Variants in SEMA4F observed in about 807,000 individuals in gnomAD.
SEMA4F encodes the protein ssemaphorin 4F.
A neutral mutation model predicts 78.4 loss-of-function variants in SEMA4F; 51 were observed. The ratio of observed to expected loss-of-function variants is 0.65; its 90% CI spans 0.52 to 0.82. The LOEUF is 0.82. Among genes scored for constraint, SEMA4F ranks in the 40% least tolerant of loss-of-function variants. The pLI is 0.00. For missense variants in SEMA4F, 938 were observed against 1,014.4 expected, an observed-to-expected ratio of 0.92 and a Z score of 1.02; for synonymous variants, 418 against 408.7, an observed-to-expected ratio of 1.02 and a Z score of -0.27.
rs772950366 is a variant in SEMA4F, at chr2:74,656,595, T to C, written c.207T>C (p.Leu69=). 1.9e-6 allele frequency: 3 copies of C among 1,614,144 alleles called. No homozygotes were observed. The highest frequency in any genetic ancestry group is 1.7e-6 in the Non-Finnish European group (2 of 1,180,022). ...ACACATACAATTACTCTGTTCTCCT[T>C]GTGGATCCTGCCTCCCACACACTTT... ...VPHTYNYSVL[L]VDPASHTLYV... is the part of the protein sequence containing the mutation. Residue 69 remains leucine (L), a synonymous_variant, in exon 2 of 14, where the codon CTT becomes CTC. Transcript: ENST00000357877.
intron 5 of SEMA4F, among the ~76,000 whole-genome samples, chr2:74,672,218 G>T (rs1471542780): frequency 1.3e-5 from 2 of 152,182 alleles, no homozygotes; most frequent in Middle Eastern, 3.4e-3. Flanking sequence ...CAGCCTCTCT[G>T]CCCCCACATG....
chr2:74,657,072 C>T (rs1430573909), intron 2 of SEMA4F, among the ~76,000 whole-genome samples: 2 of 152,198 alleles, frequency 1.3e-5, no homozygotes, highest in South Asian at 4.1e-4. Context: ...TCAAAATACT[C>T]CAAAATCTGA....
chr2:74,673,433 C>T (rs1275498782), intron 5 of SEMA4F, 24 bp from the exon 6 acceptor site: 7 of 1,613,026 alleles, frequency 4.3e-6, no homozygotes, highest in East Asian at 2.2e-5. Flanking sequence ...CCTGATAGCC[C>T]ATCTCCTCCC....
intron 1 of SEMA4F, among the ~76,000 whole-genome samples, chr2:74,654,820 A>C (rs1684036753): frequency 6.6e-6 from 1 of 152,154 alleles, no homozygotes; most frequent in Non-Finnish European, 1.5e-5. Context: ...TCCAGTCCTC[A>C]CCGTGCAGAC....
chr2:74,674,943 G>A lies in SEMA4F; in HGVS notation c.1057G>A (p.Val353Met), dbSNP rs1685187211. Residue 353 changes from valine (V) to methionine (M), a missense_variant, in exon 9 of 14, where the codon GTG (valine) becomes ATG (methionine). Physicochemically the swap from Val to Met is conservative, Grantham distance 21 (BLOSUM62 1). Transcript: ENST00000357877. ...CTTCCGACCACAAGACATTCGGACA[G>A]TGCTGAATGGTCCCTTCAGAGAACT... Reference protein sequence around the residue: ...CAFRPQDIRTVLNGPFRELKH... With the variant: ...CAFRPQDIRTMLNGPFRELKH... The A allele has an allele frequency of 6.2e-7, 1 of 1,613,926 alleles. No individual in the cohort carries two copies. The highest frequency in any genetic ancestry group is 1.7e-5 in the Admixed American group (1 of 59,998).
the SEMA4F span, among the ~76,000 whole-genome samples, chr2:74,693,884 T>C: frequency 6.6e-6 from 1 of 152,186 alleles, no homozygotes; most frequent in Non-Finnish European, 1.5e-5. Flanking sequence ...ATATTTGAGG[T>C]GTTTCCAGTC....
rs764124886 is a variant in SEMA4F, at chr2:74,656,680, C to T, written c.292C>T (p.Arg98Cys). The T allele has an allele frequency of 6.2e-6, 10 of 1,613,962 alleles. No homozygotes were observed. Among genetic ancestry groups the T allele is most frequent in the Admixed American group, 3.3e-5 (2 of 59,996 alleles). The change falls in exon 2 of 14, where the codon CGC becomes TGC. Residue 98 changes from arginine to cysteine, a missense_variant. Physicochemically the swap from Arg to Cys is radical, Grantham distance 180. Coordinates refer to ENST00000357877, the MANE Select transcript of SEMA4F (RefSeq NM_004263.5). ...LSLPFSGERPRRIDWMVPEAH... is the reference protein window; with the variant it reads ...LSLPFSGERPCRIDWMVPEAH... ...CCTGCCCTTCTCAGGGGAGAGACCC[C>T]GCAGGGTGAGAGACAAGAGAGGGAA... is the stretch of plus-strand genomic sequence containing the variant.
chr2:74,699,463 G>A, the SEMA4F span, among the ~76,000 whole-genome samples: 3 of 152,212 alleles, frequency 2.0e-5, no homozygotes, highest in Non-Finnish European at 4.4e-5. Context: ...AGTTTGCAAT[G>A]CCTCAGGGGG....
Position 74,675,882 on chromosome 2 carries a change from G to A in SEMA4F, c.1616G>A (p.Cys539Tyr). 6.2e-7 allele frequency: 1 copy of A among 1,613,774 alleles called. No homozygotes were observed. Reference protein sequence around the residue: ...VCAWSFRLDECVAHAGEHRGL... With the variant: ...VCAWSFRLDEYVAHAGEHRGL... ...GCCTGGAGCTTCCGGCTGGATGAGT[G>A]TGTGGCCCATGCCGGGGAGCACCGA... Residue 539 changes from cysteine to tyrosine, a missense_variant, in exon 12 of 14, where the codon TGT (cysteine) becomes TAT (tyrosine). Coordinates refer to ENST00000357877, the MANE Select transcript of SEMA4F (RefSeq NM_004263.5).
chr2:74,688,458 G>A (rs1333059608), downstream of SEMA4F, among the ~76,000 whole-genome samples: 1 of 152,058 alleles, frequency 6.6e-6, no homozygotes, highest in African/African-American at 2.4e-5. Flanking sequence ...AATCATAAAT[G>A]AGCTTTTAGA....
Position 74,667,825 on chromosome 2 carries a change from A to G in SEMA4F, c.550+5000A>G, listed in dbSNP as rs2104960842. Among the ~76,000 whole-genome samples, 3 of 151,854 alleles carry G rather than the reference A, an allele frequency of 2.0e-5. No homozygotes were observed. The South Asian group carries it at 6.3e-4, about 32-fold the overall frequency. On this transcript the variant is annotated intron_variant, in intron 5 of 13. Transcript: ENST00000357877. ...CTACCTAAGAGCCTCTTCTCTTCTC[A>G]CTCTGTGTAGTTGTGATCTCAGTGA... is the stretch of plus-strand genomic sequence containing the variant.
the SEMA4F span, among the ~76,000 whole-genome samples, chr2:74,701,448 G>T: frequency 6.6e-6 from 1 of 152,176 alleles, no homozygotes; most frequent in Admixed American, 6.5e-5. Context: ...TCCACAGCCA[G>T]GTTGAGTGGT....
chr2:74,687,613 C>G (rs1573280526), downstream of SEMA4F, among the ~76,000 whole-genome samples: 1 of 152,186 alleles, frequency 6.6e-6, no homozygotes, highest in Non-Finnish European at 1.5e-5. Context: ...GAACGCAGGT[C>G]CTGCTGAGAG....
chr2:74,690,111 C>T, the SEMA4F span, among the ~76,000 whole-genome samples: 3 of 152,200 alleles, frequency 2.0e-5, no homozygotes, highest in African/African-American at 4.8e-5. Flanking sequence ...CTAACACCCT[C>T]TTACTGAAAC....
chr2:74,658,091 G>T lies in SEMA4F; in HGVS notation c.456+140G>T. The T allele has an allele frequency of 1.3e-6, 1 of 744,180 alleles. No homozygotes were observed. The allele number at this position is 744,180 out of a possible 1,614,324, so 46.1% of individuals were successfully genotyped here. A position where few individuals can be genotyped will look rare whatever the true frequency, so the allele number is the denominator to read the frequency against. On this transcript the variant is annotated intron_variant, in intron 4 of 13. Transcript: ENST00000357877. The surrounding 1 kb of genome is among the most constrained non-coding windows in gnomAD (Gnocchi z 4.3). ...TCAAGGCAACCATTGTGCATGATAA[G>T]CATTGGGTGTAGGGGCTGTCCTCAT...
intron 5 of SEMA4F, among the ~76,000 whole-genome samples, chr2:74,668,197 T>G (rs1684792667): frequency 6.6e-6 from 1 of 152,212 alleles, no homozygotes; most frequent in South Asian, 2.1e-4. Flanking sequence ...TCTTTCTCTT[T>G]GGGAACCCAT....
chr2:74,663,484 A>C (rs1378963314), intron 5 of SEMA4F, among the ~76,000 whole-genome samples: 1 of 152,212 alleles, frequency 6.6e-6, no homozygotes, highest in Non-Finnish European at 1.5e-5. Context: ...TACCTGAGAC[A>C]GGGTAATTTA....
intron 4 of SEMA4F, among the ~76,000 whole-genome samples, chr2:74,661,416 G>T (rs1216128192): frequency 1.3e-5 from 2 of 152,346 alleles, no homozygotes; most frequent in East Asian, 3.9e-4. Flanking sequence ...AGAATAACTT[G>T]GTTGGTGGGG....
intron 5 of SEMA4F, among the ~76,000 whole-genome samples, chr2:74,665,866 T>C (rs1684665227): frequency 6.6e-6 from 1 of 152,066 alleles, no homozygotes; most frequent in African/African-American, 2.4e-5. Flanking sequence ...TCTAAGATAA[T>C]CATTTATCGT....
Sources: gnomAD v4.1 joint callset for allele counts (sites outside exome capture counted in the v4.1 genomes callset) on GRCh38, gnomAD v4.1.1 for gene constraint, Gnocchi (gnomAD v3.1) non-coding constraint, MANE v1.5 for transcripts, NCBI Gene and HGNC (gene_info 2026-07-23, HGNC 2026-07-21) for gene names.